Variants in LIMCH1 observed in about 807,000 individuals in gnomAD.
LIMCH1 encodes LIM and calponin homology domains-containing protein 1.
A neutral mutation model predicts 176.5 loss-of-function variants in LIMCH1; 113 were observed. The observed-to-expected ratio is 0.64, with a 90% CI of 0.55 to 0.75. The LOEUF (loss-of-function observed/expected upper bound fraction) is 0.75. Ranked by LOEUF, LIMCH1 falls within the 30% of genes least tolerant of loss-of-function variation. The probability of loss-of-function intolerance (pLI) is 0.00; values close to 1 mark genes in which losing one functional copy is unlikely to be tolerated. For missense variants in LIMCH1, 1,674 were observed against 1,814.9 expected, an observed-to-expected ratio of 0.92 and a Z score of 1.41; for synonymous variants, 619 against 645.9, an observed-to-expected ratio of 0.96 and a Z score of 0.63.
intron 3 of LIMCH1, among the ~76,000 whole-genome samples, chr4:41,604,869 C>T (rs1247191039): frequency 1.3e-5 from 2 of 152,082 alleles, no homozygotes; most frequent in African/African-American, 4.8e-5. Flanking sequence ...AGCATCAGTG[C>T]ACATAACCAT....
intron 2 of LIMCH1, chr4:41,494,641 A>G: frequency 3.0e-6 from 4 of 1,336,624 alleles, no homozygotes; most frequent in East Asian, 2.3e-5. Context: ...GTTTTATTCA[A>G]AAAACATCAT....
intron 19 of LIMCH1, among the ~76,000 whole-genome samples, chr4:41,662,613 G>A (rs900103382): frequency 1.3e-5 from 2 of 152,176 alleles, no homozygotes; most frequent in Admixed American, 6.5e-5. Flanking sequence ...GACGTGATTT[G>A]TGTTGCTTGT....
chr4:41,662,869 C>T lies in LIMCH1; in HGVS notation c.3176C>T (p.Ala1059Val). Residue 1059 changes from alanine (A) to valine (V), a missense_variant, in exon 20 of 32, where the codon GCC becomes GTC. Physicochemically the swap from Ala to Val is moderately conservative, Grantham distance 64. Transcript: ENST00000503057. The part of the protein sequence containing the change: ...TTVTRCSPTV[A>V]FVEFPSSPQL... The stretch of plus-strand genomic sequence containing the variant: ...GTGACTCGATGCAGCCCGACCGTGG[C>T]CTTTGTGGAATTTCCCTCCAGCCCC... The T allele has an allele frequency of 6.2e-7, 1 of 1,614,038 alleles. No individual in the cohort carries two copies. Among genetic ancestry groups the T allele is most frequent in the Non-Finnish European group, 8.5e-7 (1 of 1,179,982 alleles).
At chr4:41,381,813 C>T (rs531601313) in intron 1 of LIMCH1, among the ~76,000 whole-genome samples, 1 of 152,294 alleles carries the variant, frequency 6.6e-6, no homozygotes, top group South Asian at 2.1e-4. Flanking sequence ...TAATAGCCAG[C>T]CAGCACCTAC....
At chr4:41,457,587 GTA>G in intron 1 of LIMCH1, among the ~76,000 whole-genome samples, 1 of 152,146 alleles carries the variant, frequency 6.6e-6, no homozygotes, top group African/African-American at 2.4e-5. Flanking sequence ...GGGAGGCTAA[GTA>G]GCTTAGCCCA....
chr4:41,363,195 A>G (rs2052414435), intron 1 of LIMCH1, among the ~76,000 whole-genome samples: 1 of 152,174 alleles, frequency 6.6e-6, no homozygotes, highest in African/African-American at 2.4e-5. Context: ...GTTGTAACAG[A>G]TGGTTTTGCA....
chr4:41,559,377 T>C (rs2152546019), intron 1 of LIMCH1, among the ~76,000 whole-genome samples: 1 of 152,220 alleles, frequency 6.6e-6, no homozygotes, highest in Admixed American at 6.5e-5. Flanking sequence ...TTCAAGAATC[T>C]TCTGAACCAA....
At chr4:41,364,460 A>G (rs2052661701) in intron 1 of LIMCH1, among the ~76,000 whole-genome samples, 1 of 152,186 alleles carries the variant, frequency 6.6e-6, no homozygotes, top group Non-Finnish European at 1.5e-5. Context: ...AGAAAATATG[A>G]TTCAATTGCC....
At position 41,631,232 on chromosome 4, in the gene LIMCH1, C is replaced by T. The variant is rs1236831547; in HGVS notation, c.1356C>T (p.Asn452=). The change falls in exon 10 of 32, where the codon AAC becomes AAT. Residue 452 remains asparagine (N), a synonymous_variant. Transcript: ENST00000503057. Reference sequence around the variant, plus strand: ...CTGCCATTCGTGATGACTTTGCCAACCGCAAAGCAAGGGCCTCTAAGAAAG... The same window carrying T: ...CTGCCATTCGTGATGACTTTGCCAATCGCAAAGCAAGGGCCTCTAAGAAAG... ...AETAIRDDFA[N]RKARASKKAS... 2.0e-6 allele frequency: 3 copies of T among 1,536,012 alleles called. No individual in the cohort carries two copies. The East Asian group carries it at 7.3e-5, about 38-fold the overall frequency.
intron 1 of LIMCH1, among the ~76,000 whole-genome samples, chr4:41,569,091 A>G (rs2083168785): frequency 6.6e-6 from 1 of 152,224 alleles, no homozygotes; most frequent in African/African-American, 2.4e-5. Flanking sequence ...GTAAATGCCT[A>G]CACCCGAACC....
At chr4:41,682,879 G>T (rs908111314) in intron 26 of LIMCH1, among the ~76,000 whole-genome samples, 5 of 152,030 alleles carry the variant, frequency 3.3e-5, no homozygotes, top group African/African-American at 1.2e-4. Flanking sequence ...GTTTCGTCAT[G>T]TTGGTCAGGC....
intron 7 of LIMCH1, 126 bp downstream of exon 7, chr4:41,620,816 C>A: frequency 1.8e-6 from 2 of 1,083,246 alleles, no homozygotes; most frequent in Non-Finnish European, 2.6e-6. Context: ...CATCACTGTT[C>A]CCTGCTCTGA....
At chr4:41,662,728 T>G (rs2094669737) in intron 19 of LIMCH1, 93 bp from the exon 20 acceptor site, 1 of 1,332,146 alleles carries the variant, frequency 7.5e-7, no homozygotes, top group Non-Finnish European at 1.1e-6. Flanking sequence ...GGATATGGAC[T>G]GAATGTACTT....
intron 1 of LIMCH1, among the ~76,000 whole-genome samples, chr4:41,412,347 C>T (rs1483768362): frequency 1.3e-5 from 2 of 152,108 alleles, no homozygotes; most frequent in East Asian, 1.9e-4. Flanking sequence ...GATATGATGG[C>T]TGTTGTTCTA....
intron 7 of LIMCH1, 55 bp downstream of exon 7, chr4:41,620,745 G>A: frequency 6.7e-7 from 1 of 1,484,114 alleles, no homozygotes; most frequent in Non-Finnish European, 8.9e-7. Flanking sequence ...CTGGGGATTT[G>A]GAATCTGTCT....
At chr4:41,574,068 A>G (rs888108609) in intron 1 of LIMCH1, among the ~76,000 whole-genome samples, 5 of 152,142 alleles carry the variant, frequency 3.3e-5, no homozygotes, top group East Asian at 1.9e-4. Flanking sequence ...CTCAGGCGGC[A>G]GGAAATATCA....
intron 1 of LIMCH1, among the ~76,000 whole-genome samples, chr4:41,464,308 A>C (rs1582632219): frequency 7.0e-6 from 1 of 142,054 alleles, no homozygotes; most frequent in African/African-American, 2.7e-5. Context: ...TTACTTCCTT[A>C]CCTCCTACTC....
intron 1 of LIMCH1, among the ~76,000 whole-genome samples, chr4:41,572,286 G>A (rs144327792): frequency 1.3e-5 from 2 of 152,064 alleles, no homozygotes; most frequent in African/African-American, 4.8e-5. Context: ...CACACAGTTC[G>A]GGGGTTTAGA....
chr4:41,378,661 A>G (rs776603409), intron 1 of LIMCH1, among the ~76,000 whole-genome samples: 5 of 152,190 alleles, frequency 3.3e-5, no homozygotes, highest in African/African-American at 4.8e-5. Flanking sequence ...TTGCAATAAT[A>G]GAGGTAAGAG....
Sources: gnomAD v4.1 joint callset for allele counts (sites outside exome capture counted in the v4.1 genomes callset) on GRCh38, gnomAD v4.1.1 for gene constraint, MANE v1.5 for transcripts, NCBI Gene and HGNC (gene_info 2026-07-23, HGNC 2026-07-21) for gene names.